Variants in SIL1 observed in about 807,000 individuals in gnomAD.
SIL1 encodes the protein SIL1 nucleotide exchange factor.
SIL1 carries 40 observed loss-of-function variants against 49.1 expected under a neutral mutation model. The ratio of observed to expected loss-of-function variants is 0.81; its 90% CI spans 0.63 to 1.06. The LOEUF (loss-of-function observed/expected upper bound fraction) is 1.06. Ranked by LOEUF, SIL1 falls within the 50% of genes least tolerant of loss-of-function variation. The probability of loss-of-function intolerance (pLI) is 0.00; values close to 1 mark genes in which losing one functional copy is unlikely to be tolerated. For missense variants in SIL1, 500 were observed against 572.6 expected (o/e 0.87, Z 1.29); for synonymous variants, 253 against 250.8 (o/e 1.01, Z -0.08).
At chr5:139,171,167 C>T (rs1751755788) in intron 1 of SIL1, among the ~76,000 whole-genome samples, 1 of 152,148 alleles carries the variant, frequency 6.6e-6, no homozygotes. Flanking sequence ...GTGAGGAGCC[C>T]CTCTGCCCGG....
intron 7 of SIL1, among the ~76,000 whole-genome samples, chr5:139,001,937 G>C (rs1340756694): frequency 6.6e-6 from 1 of 151,290 alleles, no homozygotes; most frequent in Non-Finnish European, 1.5e-5. Context: ...TAGGCCAGGA[G>C]TGATGGCTCA....
intron 3 of SIL1, among the ~76,000 whole-genome samples, chr5:139,059,876 T>C (rs1053418662): frequency 6.6e-6 from 1 of 152,256 alleles, no homozygotes; most frequent in African/African-American, 2.4e-5. Context: ...CTGAGAAACC[T>C]GCTCTTATTA....
In SIL1 at chr5:139,026,890, C is replaced by T; in HGVS notation, c.556G>A (p.Val186Ile). The T allele has an allele frequency of 6.2e-7, 1 of 1,614,236 alleles. No homozygotes were observed. Among genetic ancestry groups the T allele is most frequent in the Non-Finnish European group, 8.5e-7 (1 of 1,180,034 alleles). ...CTATTGAACTTGTTGATCAGCCGTA[C>T]CATGATCTGCATGTCAGTCTCAATG... ...VVIETDMQIM[V>I]RLINKFNSSS... Residue 186 changes from valine (V) to isoleucine (I), a missense_variant, in exon 6 of 10, where the codon GTA becomes ATA. By Grantham distance (29) the Val-to-Ile change is conservative (BLOSUM62 3). Transcript: ENST00000394817.
chr5:139,189,220 G>A (rs915283628), intron 1 of SIL1, among the ~76,000 whole-genome samples: 3 of 152,196 alleles, frequency 2.0e-5, no homozygotes. Flanking sequence ...CCAAGGAGGT[G>A]AGCAGCAAGT....
chr5:138,975,580 G>A (rs927904220), intron 7 of SIL1, among the ~76,000 whole-genome samples: 4 of 152,196 alleles, frequency 2.6e-5, no homozygotes, highest in Non-Finnish European at 4.4e-5. Flanking sequence ...CCCCACCAGC[G>A]ATCCCAGCCT....
intron 3 of SIL1, among the ~76,000 whole-genome samples, chr5:139,080,150 A>C (rs1369391991): frequency 6.6e-6 from 1 of 152,232 alleles, no homozygotes; most frequent in African/African-American, 2.4e-5. Context: ...TATAAACATA[A>C]AACTTGCTGG....
At chr5:139,053,991 T>A (rs1769349142) in intron 3 of SIL1, among the ~76,000 whole-genome samples, 1 of 152,182 alleles carries the variant, frequency 6.6e-6, no homozygotes, top group African/African-American at 2.4e-5. Context: ...TCTCAATAAT[T>A]ATTTGTTGGT....
intron 3 of SIL1, among the ~76,000 whole-genome samples, chr5:139,109,457 G>A (rs541357472): frequency 6.6e-6 from 1 of 152,128 alleles, no homozygotes; most frequent in Admixed American, 6.5e-5. Context: ...CAGTGTCAAA[G>A]GCCTTCAAAA....
chr5:139,109,695 T>TAAA (rs534819027), intron 3 of SIL1, among the ~76,000 whole-genome samples: 4 of 121,544 alleles, frequency 3.3e-5, no homozygotes, highest in South Asian at 5.4e-4. Context: ...AAGGGGATGT[T>TAAA]AAAAAAAAAA....
At chr5:139,033,142 C>T (rs1005943265) in intron 5 of SIL1, among the ~76,000 whole-genome samples, 56 of 151,972 alleles carry the variant, frequency 3.7e-4, no homozygotes, top group Admixed American at 3.6e-3. Context: ...TACAAGCGTG[C>T]GCCACCATGC....
intron 2 of SIL1, among the ~76,000 whole-genome samples, chr5:139,121,831 C>T (rs192444737): frequency 1.3e-5 from 2 of 152,274 alleles, no homozygotes; most frequent in Admixed American, 1.3e-4. Context: ...TGCCTTCCAC[C>T]CTGTGTAGAA....
At chr5:139,136,161 T>C (rs1349744136) in intron 1 of SIL1, among the ~76,000 whole-genome samples, 1 of 152,176 alleles carries the variant, frequency 6.6e-6, no homozygotes, top group Non-Finnish European at 1.5e-5. Context: ...TGGCCACAGC[T>C]TGCAAAGAAT....
intron 7 of SIL1, among the ~76,000 whole-genome samples, chr5:138,973,829 C>T (rs1767337734): frequency 6.6e-6 from 1 of 152,110 alleles, no homozygotes; most frequent in Non-Finnish European, 1.5e-5. Flanking sequence ...AAGTGATCCT[C>T]CTGCCTCAGC....
chr5:139,196,909 T>G (rs1752286078), intron 1 of SIL1, among the ~76,000 whole-genome samples: 1 of 151,830 alleles, frequency 6.6e-6, no homozygotes, highest in South Asian at 2.1e-4. Context: ...AGAAAAAAAC[T>G]TGGGTGGGGT....
At chr5:138,979,068 T>TTTA (rs1767455191) in intron 7 of SIL1, among the ~76,000 whole-genome samples, 4 of 150,372 alleles carry the variant, frequency 2.7e-5, no homozygotes, top group Non-Finnish European at 4.4e-5. Context: ...AATTTAATTT[T>TTTA]ATTTTATTTT....
intron 1 of SIL1, among the ~76,000 whole-genome samples, chr5:139,176,782 G>T (rs1334193663): frequency 6.6e-6 from 1 of 152,076 alleles, no homozygotes; most frequent in Non-Finnish European, 1.5e-5. Flanking sequence ...CGAGGGTTAG[G>T]TTTCAACATA....
rs78886817 is a variant in SIL1 at position 139,100,517 on chromosome 5, C to T, written c.244+20518G>A. ...GAACACCAGAGGATATTTCTAAGCA[C>T]AGGAAGGCATGGTAGAAGGATCACT... On this transcript the variant is annotated intron_variant, in intron 3 of 9. Coordinates refer to ENST00000394817, the MANE Select transcript of SIL1 (RefSeq NM_022464.5). 3.4e-3 allele frequency among the ~76,000 whole-genome samples: 514 copies of T among 152,296 alleles called. 1 individual carries two copies. The highest frequency in any genetic ancestry group is 5.7e-3 in the Admixed American group (87 of 15,296).
intron 7 of SIL1, among the ~76,000 whole-genome samples, chr5:138,971,003 AGTGAT>A (rs1320834331): frequency 6.6e-6 from 1 of 152,188 alleles, no homozygotes; most frequent in East Asian, 1.9e-4. Context: ...TCCAGATGGA[AGTGAT>A]ACTGTGAGTG....
chr5:139,076,533 TAC>T (rs1238295245), intron 3 of SIL1, among the ~76,000 whole-genome samples: 1 of 152,206 alleles, frequency 6.6e-6, no homozygotes, highest in Non-Finnish European at 1.5e-5. Flanking sequence ...CTGATACTGA[TAC>T]AGTCATTTGC....
Sources: allele counts gnomAD v4.1 joint callset (sites outside exome capture counted in the v4.1 genomes callset), GRCh38; gene constraint gnomAD v4.1.1; transcripts MANE v1.5; gene names NCBI Gene and HGNC (gene_info 2026-07-23, HGNC 2026-07-21).